KPNA5: variants seen among roughly 807,000 people sequenced by gnomAD.
KPNA5 encodes the protein importin subunit alpha-6.
KPNA5 carries 46 observed loss-of-function variants against 71.3 expected under a neutral mutation model. The ratio of observed to expected loss-of-function variants is 0.65; its 90% CI spans 0.51 to 0.83. The LOEUF is 0.83. Among genes scored for constraint, KPNA5 ranks in the 40% least tolerant of loss-of-function variants. KPNA5 has a pLI of 0.00. For synonymous variants in KPNA5, 207 were observed against 201.4 expected, an observed-to-expected ratio of 1.03 and a Z score of -0.24; for missense variants, 547 against 628.3, an observed-to-expected ratio of 0.87 and a Z score of 1.38.
intron 7 of KPNA5, among the ~76,000 whole-genome samples, chr6:116,707,568 T>C (rs768218345): frequency 6.6e-6 from 1 of 152,220 alleles, no homozygotes; most frequent in Non-Finnish European, 1.5e-5. Context: ...TTTGGTTGCT[T>C]TCATGCTACA....
chr6:116,736,027 T>C lies in KPNA5; in HGVS notation c.*3704T>C, dbSNP rs1425286759. ...ATACCATGCTATCACAAATCAAAAG[T>C]AAGTTGGGGTGGCCATATAATGCAT... On this transcript the variant is annotated 3_prime_UTR_variant, in exon 14 of 14. Transcript: ENST00000368564. 1 of 151,640 alleles carries C rather than the reference T, an allele frequency of 6.6e-6. No homozygotes were observed. Among genetic ancestry groups the C allele is most frequent in the Non-Finnish European group, 1.5e-5 (1 of 67,768 alleles). 9.4% of individuals were successfully genotyped at this position (151,640 alleles called of 1,614,324 possible).
intron 4 of KPNA5, among the ~76,000 whole-genome samples, chr6:116,695,743 C>T (rs1208933475): frequency 1.3e-5 from 2 of 152,146 alleles, no homozygotes; most frequent in Middle Eastern, 3.2e-3. Context: ...CACAATACTT[C>T]ACAGTTTTGG....
chr6:116,730,269 TAG>T (rs1049875769), intron 13 of KPNA5, among the ~76,000 whole-genome samples: 1 of 151,928 alleles, frequency 6.6e-6, no homozygotes, highest in African/African-American at 2.4e-5. Flanking sequence ...GTATTTTTAG[TAG>T]AGACGGGGTC....
rs963442308 is a variant in KPNA5 at position 116,739,128 on chromosome 6, T to A, written c.*6805T>A. The A allele has an allele frequency of 9.9e-5, 15 of 152,142 alleles. No homozygotes were observed. Among genetic ancestry groups the A allele is most frequent in the African/African-American group, 3.6e-4 (15 of 41,424 alleles). The allele number at this position is 152,142 out of a possible 1,614,324, so 9.4% of individuals were successfully genotyped here. On this transcript the variant is annotated 3_prime_UTR_variant, in exon 14 of 14. Coordinates refer to ENST00000368564, the MANE Select transcript of KPNA5 (RefSeq NM_001366306.2). ...CCATTGTCTAAGCCCAAAATCTCCT[T>A]AAGCTGATAAGCAACTTCAGCAAAG...
intron 1 of KPNA5, among the ~76,000 whole-genome samples, chr6:116,686,918 T>C (rs893114098): frequency 1.3e-5 from 2 of 152,206 alleles, no homozygotes; most frequent in African/African-American, 4.8e-5. Flanking sequence ...TACCCTGCTG[T>C]TTTGGTTACT....
intron 4 of KPNA5, among the ~76,000 whole-genome samples, chr6:116,695,049 C>G (rs180931955): frequency 6.6e-6 from 1 of 152,208 alleles, no homozygotes; most frequent in Non-Finnish European, 1.5e-5. Context: ...TTTCCAGGCT[C>G]AGGTGATTCT....
chr6:116,729,369 G>T (rs545806089), intron 12 of KPNA5, among the ~76,000 whole-genome samples, 194 bp from the exon 13 acceptor site: 12 of 152,070 alleles, frequency 7.9e-5, no homozygotes, highest in African/African-American at 2.9e-4. Context: ...GAATAGGTGA[G>T]TAAAGAAAAT....
Position 116,703,834 on chromosome 6 carries a change from GAATAA to G in KPNA5, c.568-1229_568-1225del, listed in dbSNP as rs539830879. ...TACTAACATGAAAAGTTTATGGTGAGAATAAAATAAAATGATAATTTGCATTTGCA... is the reference window on the plus strand; with the variant it reads ...TACTAACATGAAAAGTTTATGGTGAGAATAAAATGATAATTTGCATTTGCA... On this transcript the variant is annotated intron_variant, in intron 6 of 13. Transcript: ENST00000368564. Among the ~76,000 whole-genome samples the G allele has an allele frequency of 5.2e-3, 791 of 152,210 alleles. 13 individuals are homozygous for G. Among genetic ancestry groups the G allele is most frequent in the African/African-American group, 0.018 (733 of 41,532 alleles).
chr6:116,729,559 G>T lies in KPNA5; in HGVS notation c.1254-4G>T. Reference sequence around the variant, plus strand: ...TGTTTCTTCTCTTTTATATTAATCTGAAGGTATTTGGTAGCTTTAGGCTGC... The same window carrying T: ...TGTTTCTTCTCTTTTATATTAATCTTAAGGTATTTGGTAGCTTTAGGCTGC... On this transcript the variant is annotated splice_region_variant and splice_polypyrimidine_tract_variant and intron_variant, in intron 12 of 13. Coordinates refer to ENST00000368564, the MANE Select transcript of KPNA5 (RefSeq NM_001366306.2). 1.4e-6 allele frequency: 2 copies of T among 1,476,544 alleles called. No individual in the cohort carries two copies. The highest frequency in any genetic ancestry group is 1.4e-5 in the African/African-American group (1 of 70,020). 91.5% of individuals were successfully genotyped at this position (1,476,544 alleles called of 1,614,324 possible).
rs1291839274 is a variant in KPNA5, at chr6:116,721,974, TCATA to T, written c.757-148_757-145del. Reference sequence around the variant, plus strand: ...ATAGTAGTCATAATCAGCTTCATATTCATACATCTGATTATAATTTTAAAACAAT... The same window carrying T: ...ATAGTAGTCATAATCAGCTTCATATTCATCTGATTATAATTTTAAAACAAT... On this transcript the variant is annotated intron_variant, in intron 8 of 13. Transcript: ENST00000368564. The T allele has an allele frequency of 4.0e-5, 20 of 503,864 alleles. No individual in the cohort carries two copies. In the South Asian group the frequency reaches 8.6e-4, roughly 22 times the overall value. 31.2% of individuals were successfully genotyped at this position (503,864 alleles called of 1,614,324 possible).
At chr6:116,683,896 CTTTTTTTTTTTTTTTTT>C (rs140446065) in intron 1 of KPNA5, among the ~76,000 whole-genome samples, 2,019 of 59,712 alleles carry the variant, frequency 0.034, 87 homozygotes, top group African/African-American at 0.092. Context: ...CGTGCCCGGC[CTTTTTTTTTTTTTTTTT>C]TTTTTTTTTT....
intron 7 of KPNA5, among the ~76,000 whole-genome samples, chr6:116,710,614 G>C (rs2114444717): frequency 6.6e-6 from 1 of 151,948 alleles, no homozygotes; most frequent in Non-Finnish European, 1.5e-5. Context: ...ATGTTTGGTA[G>C]AATTCACCAG....
chr6:116,712,407 A>T (rs1011083618), intron 7 of KPNA5, among the ~76,000 whole-genome samples: 2 of 152,202 alleles, frequency 1.3e-5, no homozygotes, highest in African/African-American at 4.8e-5. Flanking sequence ...TTTGGCTAAG[A>T]TCAAGTGTAT....
intron 7 of KPNA5, among the ~76,000 whole-genome samples, chr6:116,706,980 C>T (rs899868579): frequency 7.9e-5 from 12 of 151,768 alleles, no homozygotes; most frequent in South Asian, 2.1e-4. Flanking sequence ...CTGGCTAACA[C>T]GGTGAAACCC....
intron 4 of KPNA5, among the ~76,000 whole-genome samples, chr6:116,692,917 C>G (rs1345504478): frequency 6.6e-6 from 1 of 152,058 alleles, no homozygotes; most frequent in Admixed American, 6.6e-5. Context: ...CCCGGTGTGT[C>G]ATGTTCCCCT....
At chr6:116,711,538 A>ATGTGTGTGTG (rs143357784) in intron 7 of KPNA5, among the ~76,000 whole-genome samples, 5,925 of 143,428 alleles carry the variant, frequency 0.041, 161 homozygotes, top group African/African-American at 0.076. Context: ...TTTTCTGCAT[A>ATGTGTGTGTG]TGTGTGTGTG....
At chr6:116,683,786 A>G (rs1777455683) in intron 1 of KPNA5, among the ~76,000 whole-genome samples, 1 of 143,842 alleles carries the variant, frequency 7.0e-6, no homozygotes, top group Non-Finnish European at 1.5e-5. Flanking sequence ...TTTAATAGAG[A>G]TGGGGTTTCA....
At chr6:116,686,600 G>A (rs1389669841) in intron 1 of KPNA5, among the ~76,000 whole-genome samples, 1 of 152,040 alleles carries the variant, frequency 6.6e-6, no homozygotes, top group Non-Finnish European at 1.5e-5. Flanking sequence ...TAGCCCCTTC[G>A]TGATGAAATC....
chr6:116,683,635 A>G (rs1246447751), intron 1 of KPNA5, among the ~76,000 whole-genome samples: 3 of 151,972 alleles, frequency 2.0e-5, no homozygotes, highest in Non-Finnish European at 4.4e-5. Flanking sequence ...GCTGGAGTGC[A>G]GTGGCATGAT....
Sources: allele counts gnomAD v4.1 joint callset (sites outside exome capture counted in the v4.1 genomes callset), GRCh38; gene constraint gnomAD v4.1.1; transcripts MANE v1.5; gene names NCBI Gene and HGNC (gene_info 2026-07-23, HGNC 2026-07-21).